Variants in DNM3 observed in about 807,000 individuals in gnomAD.
DNM3 encodes the protein dynamin-3.
DNM3 carries 47 observed loss-of-function variants against 101.6 expected under a neutral mutation model. The ratio of observed to expected loss-of-function variants is 0.46; its 90% confidence interval spans 0.37 to 0.59. DNM3 has a LOEUF of 0.59. Ranked by LOEUF, DNM3 falls within the 20% of genes least tolerant of loss-of-function variation. DNM3 has a pLI of 0.00. For synonymous variants in DNM3, 385 were observed against 387.9 expected (o/e 0.99, Z 0.09); for missense variants, 849 against 1,085.7 (o/e 0.78, Z 3.06).
chr1:172,381,075 A>ATG (rs2068874962), intron 18 of DNM3: 2 of 150,832 alleles, frequency 1.3e-5, no homozygotes, highest in Admixed American at 6.6e-5. Flanking sequence ...ATATGCGCAC[A>ATG]CACACACACA....
intron 1 of DNM3, among the ~76,000 whole-genome samples, chr1:171,918,904 C>G (rs529322241): frequency 3.3e-5 from 5 of 152,276 alleles, no homozygotes; most frequent in African/African-American, 1.2e-4. Context: ...AATATATGGT[C>G]ACAAGCATGA....
chr1:172,073,893 C>A (rs1169685996), intron 11 of DNM3, among the ~76,000 whole-genome samples: 3 of 152,016 alleles, frequency 2.0e-5, no homozygotes, highest in African/African-American at 4.8e-5. Context: ...TTCTTTTTTG[C>A]AGGTTCTGGT....
intron 14 of DNM3, among the ~76,000 whole-genome samples, chr1:172,203,404 G>A (rs1270196523): frequency 6.6e-6 from 1 of 152,146 alleles, no homozygotes; most frequent in African/African-American, 2.4e-5. Flanking sequence ...TCGCAGAGTG[G>A]TTTTTGGTCG....
chr1:172,250,840 G>A (rs773952135), intron 14 of DNM3, among the ~76,000 whole-genome samples: 3 of 152,042 alleles, frequency 2.0e-5, no homozygotes, highest in Admixed American at 6.6e-5. Context: ...AGTACATGGG[G>A]TATTTAGTGC....
At chr1:171,854,146 G>A (rs1026758213) in intron 1 of DNM3, among the ~76,000 whole-genome samples, 1 of 152,150 alleles carries the variant, frequency 6.6e-6, no homozygotes, top group Admixed American at 6.5e-5. Flanking sequence ...AGCATAGAGT[G>A]TAGTCAGAAC....
At chr1:171,848,688 C>G (rs2032528195) in intron 1 of DNM3, among the ~76,000 whole-genome samples, 2 of 152,230 alleles carry the variant, frequency 1.3e-5, no homozygotes, top group South Asian at 4.1e-4. Flanking sequence ...TGCCTGTTTT[C>G]TATTCTTTTT....
At chr1:172,047,762 G>A (rs1267229288) in intron 9 of DNM3, among the ~76,000 whole-genome samples, 1 of 152,032 alleles carries the variant, frequency 6.6e-6, no homozygotes, top group East Asian at 1.9e-4. Flanking sequence ...TCCAAAAGAG[G>A]TACCATAGAA....
At chr1:171,998,912 GA>G (rs1490200363) in intron 4 of DNM3, among the ~76,000 whole-genome samples, 1 of 152,064 alleles carries the variant, frequency 6.6e-6, no homozygotes, top group Non-Finnish European at 1.5e-5. Flanking sequence ...CAGCAAGGAG[GA>G]TGTTGAGGCT....
rs1305712316 is a variant in DNM3, at chr1:172,407,763, T to C, written c.2523-9T>C. On this transcript the variant is annotated splice_polypyrimidine_tract_variant and intron_variant, in intron 20 of 20. Coordinates refer to ENST00000627582, the MANE Select transcript of DNM3 (RefSeq NM_015569.5). ...TTGTTTCTTTACCTTTCTCTTTTTC[T>C]CTTTCTAGCCGGAGACCACCCCCAT... The C allele has an allele frequency of 6.2e-7, 1 of 1,612,754 alleles. No individual in the cohort carries two copies. The highest frequency in any genetic ancestry group is 1.1e-5 in the South Asian group (1 of 91,052).
At chr1:172,057,156 A>G (rs1244311450) in intron 10 of DNM3, among the ~76,000 whole-genome samples, 1 of 152,138 alleles carries the variant, frequency 6.6e-6, no homozygotes, top group Non-Finnish European at 1.5e-5. Flanking sequence ...AAAGAATAAA[A>G]AGAAACGAGC....
chr1:171,879,881 A>G (rs556947109), intron 1 of DNM3, among the ~76,000 whole-genome samples: 175 of 152,372 alleles, frequency 1.1e-3, no homozygotes, highest in African/African-American at 4.1e-3. Context: ...TGCACAAGCA[A>G]GACAAAACCT....
rs149739978 is a variant in DNM3 at position 172,170,025 on chromosome 1, G to A, written c.1659+38737G>A. On this transcript the variant is annotated intron_variant, in intron 14 of 20. Transcript: ENST00000627582. ...TTGCATTTTTTTCTAAGTATGTTTA[G>A]GAAGCAGATTTGGAAGGAGCTAGAG... Among the ~76,000 whole-genome samples, 162 of 151,886 alleles carry A rather than the reference G, an allele frequency of 1.1e-3. 2 individuals carry two copies. In the East Asian group the frequency reaches 0.03, roughly 28 times the overall value.
intron 13 of DNM3, among the ~76,000 whole-genome samples, chr1:172,095,554 T>G (rs923415898): frequency 1.3e-5 from 2 of 152,192 alleles, no homozygotes; most frequent in African/African-American, 4.8e-5. Context: ...GGGGTTTATA[T>G]GAAAACAGTT....
rs535941246 is a variant in DNM3 at position 172,334,805 on chromosome 1, G to A, written c.1893+11465G>A. Among the ~76,000 whole-genome samples, 29 of 152,224 alleles carry A rather than the reference G, an allele frequency of 1.9e-4. No homozygotes were observed. The South Asian group carries it at 5.4e-3, about 28-fold the overall frequency. The stretch of plus-strand genomic sequence containing the variant: ...GCCTACTTGGTCAAGGACTGTGCAT[G>A]TTACAAAGAATTGCCTTAACCCACA... On this transcript the variant is annotated intron_variant, in intron 17 of 20. Coordinates refer to ENST00000627582, the MANE Select transcript of DNM3 (RefSeq NM_015569.5).
intron 14 of DNM3, among the ~76,000 whole-genome samples, chr1:172,142,659 G>A (rs571743784): frequency 8.9e-4 from 133 of 149,780 alleles, no homozygotes; most frequent in African/African-American, 2.6e-3. Flanking sequence ...CAAAAAGACC[G>A]TTTAACATGA....
chr1:171,982,116 T>C (rs2044846108), intron 2 of DNM3, among the ~76,000 whole-genome samples: 1 of 152,234 alleles, frequency 6.6e-6, no homozygotes, highest in Non-Finnish European at 1.5e-5. Flanking sequence ...TAAGAAAGAA[T>C]GTATCTCAAA....
rs182917920 is a variant in DNM3, at chr1:171,925,657, G to A, written c.235+3836G>A. Among the ~76,000 whole-genome samples, 122 of 152,238 alleles carry A rather than the reference G, an allele frequency of 8.0e-4. No individual in the cohort carries two copies. The East Asian group carries it at 0.022, about 27-fold the overall frequency. ...AAAATTTTCTCTCATCCTGTAGATCGTCTGTTTACTCTGTTGGTAGTTTCT... is the reference window on the plus strand; with the variant it reads ...AAAATTTTCTCTCATCCTGTAGATCATCTGTTTACTCTGTTGGTAGTTTCT... On this transcript the variant is annotated intron_variant, in intron 2 of 20. Transcript: ENST00000627582.
At chr1:171,999,482 G>A (rs1452815440) in intron 4 of DNM3, among the ~76,000 whole-genome samples, 2 of 152,042 alleles carry the variant, frequency 1.3e-5, no homozygotes, top group Non-Finnish European at 2.9e-5. Flanking sequence ...CTAAGTGGTG[G>A]TATTACATAT....
At chr1:171,897,730 T>A (rs2037937626) in intron 1 of DNM3, among the ~76,000 whole-genome samples, 1 of 152,232 alleles carries the variant, frequency 6.6e-6, no homozygotes, top group Non-Finnish European at 1.5e-5. Context: ...TGAACTTTCT[T>A]AAATAATTCT....
Sources: allele counts gnomAD v4.1 joint callset (sites outside exome capture counted in the v4.1 genomes callset), GRCh38; gene constraint gnomAD v4.1.1; transcripts MANE v1.5; gene names NCBI Gene and HGNC (gene_info 2026-07-23, HGNC 2026-07-21).